Variants in STAG1 observed in about 807,000 individuals in gnomAD.
STAG1 encodes the protein STAG1 cohesin complex component, also known as cohesin subunit SA-1.
STAG1 carries 26 observed loss-of-function variants against 170.9 expected under a neutral mutation model. The observed-to-expected ratio is 0.15, with a 90% CI of 0.11 to 0.21. The LOEUF (loss-of-function observed/expected upper bound fraction) is 0.21. Among genes scored for constraint, STAG1 ranks in the 10% least tolerant of loss-of-function variants. The pLI is 1.00. For missense variants in STAG1, 964 were observed against 1,509.5 expected (o/e 0.64, Z 5.99); for synonymous variants, 514 against 497.7 (o/e 1.03, Z -0.44).
chr3:136,503,891 A>G (rs993266172), intron 7 of STAG1, among the ~76,000 whole-genome samples: 1 of 151,882 alleles, frequency 6.6e-6, no homozygotes, highest in Non-Finnish European at 1.5e-5. Flanking sequence ...ATGCACCACC[A>G]CGCCCAGCTA....
intron 21 of STAG1, chr3:136,417,678 T>C (rs1038821603): frequency 2.2e-6 from 1 of 457,394 alleles, no homozygotes; most frequent in Non-Finnish European, 3.9e-6. Flanking sequence ...AGATATGTTA[T>C]AGCAAAAGTT....
intron 10 of STAG1, among the ~76,000 whole-genome samples, 191 bp downstream of exon 10, chr3:136,477,098 G>C (rs903453255): frequency 5.9e-5 from 9 of 152,092 alleles, no homozygotes; most frequent in Admixed American, 1.3e-4. Flanking sequence ...AAACAAGATA[G>C]GGTCTTCACC....
intron 25 of STAG1, among the ~76,000 whole-genome samples, 162 bp downstream of exon 25, chr3:136,366,781 A>C (rs1246982265): frequency 6.6e-6 from 1 of 152,188 alleles, no homozygotes; most frequent in Non-Finnish European, 1.5e-5. Flanking sequence ...CTGATATAAT[A>C]GTACAGACTG....
rs144101228 is a variant in STAG1, at chr3:136,593,944, A to G, written c.297+10365T>C. ...ATGAAGTTTCATTTTAATCAATAGT[A>G]TATGTGTCCTCTCATCTAATGTCTC... is the stretch of plus-strand genomic sequence containing the variant. On this transcript the variant is annotated intron_variant, in intron 4 of 33. Transcript: ENST00000383202. Among the ~76,000 whole-genome samples, 627 of 152,312 alleles carry G rather than the reference A, an allele frequency of 4.1e-3. 3 individuals are homozygous for G. The highest frequency in any genetic ancestry group is 0.031 in the Middle Eastern group (9 of 294).
intron 5 of STAG1, among the ~76,000 whole-genome samples, chr3:136,544,662 G>C (rs1237122099): frequency 6.6e-6 from 1 of 151,902 alleles, no homozygotes; most frequent in Non-Finnish European, 1.5e-5. Context: ...CTACTCAGGA[G>C]GCTGAGGCAC....
At chr3:136,604,806 C>T (rs778021371) in intron 3 of STAG1, among the ~76,000 whole-genome samples, 3 of 152,034 alleles carry the variant, frequency 2.0e-5, no homozygotes, top group African/African-American at 7.2e-5. Flanking sequence ...CCCACCACCA[C>T]GACCAGTTAA....
At chr3:136,477,449 T>C (rs768344152) in intron 9 of STAG1, 37 bp from the exon 10 acceptor site, 10 of 1,562,728 alleles carry the variant, frequency 6.4e-6, no homozygotes, top group African/African-American at 1.4e-5. Context: ...CAAATTAATA[T>C]ACAAAGCTAG....
chr3:136,561,076 T>C (rs1277145030), intron 5 of STAG1, among the ~76,000 whole-genome samples: 6 of 152,198 alleles, frequency 3.9e-5, no homozygotes, highest in Non-Finnish European at 8.8e-5. Context: ...AATCTAGATT[T>C]TGGATATTAA....
At chr3:136,587,891 G>T (rs750968295) in intron 4 of STAG1, among the ~76,000 whole-genome samples, 22 of 152,124 alleles carry the variant, frequency 1.4e-4, no homozygotes, top group Non-Finnish European at 3.1e-4. Flanking sequence ...GAACCCGGGG[G>T]GGCGGAGGTT....
chr3:136,420,303 GAAAACTGAAT>G (rs553739541), intron 20 of STAG1, among the ~76,000 whole-genome samples: 33 of 145,812 alleles, frequency 2.3e-4, no homozygotes, highest in African/African-American at 6.6e-4. Context: ...ATCATCTAGA[GAAAACTGAAT>G]AAAGGAAAAA....
At chr3:136,528,874 G>A (rs761555722) in intron 6 of STAG1, among the ~76,000 whole-genome samples, 1 of 151,796 alleles carries the variant, frequency 6.6e-6, no homozygotes. Context: ...AGGTTGCAGT[G>A]AGCCAAGATC....
chr3:136,503,774 T>C (rs1933612245), intron 7 of STAG1, among the ~76,000 whole-genome samples: 2 of 152,136 alleles, frequency 1.3e-5, no homozygotes, highest in Non-Finnish European at 2.9e-5. Context: ...TCGCTCTTGT[T>C]GCCCAGGCTG....
chr3:136,444,795 C>T (rs2088729363), intron 14 of STAG1, among the ~76,000 whole-genome samples: 1 of 152,186 alleles, frequency 6.6e-6, no homozygotes, highest in African/African-American at 2.4e-5. Flanking sequence ...TATCTTGGCA[C>T]ATTCAGCACT....
intron 3 of STAG1, among the ~76,000 whole-genome samples, chr3:136,612,625 A>C (rs1253989637): frequency 6.6e-6 from 1 of 152,230 alleles, no homozygotes; most frequent in Non-Finnish European, 1.5e-5. Flanking sequence ...GGCTGCAGTG[A>C]GCCATGAACG....
intron 1 of STAG1, among the ~76,000 whole-genome samples, chr3:136,644,600 T>C (rs1940930249): frequency 6.6e-6 from 1 of 152,234 alleles, no homozygotes; most frequent in Non-Finnish European, 1.5e-5. Context: ...TAGTATAGCA[T>C]AATACAATGA....
At chr3:136,647,341 C>A (rs920088402) in intron 1 of STAG1, among the ~76,000 whole-genome samples, 2 of 152,120 alleles carry the variant, frequency 1.3e-5, no homozygotes, top group Non-Finnish European at 2.9e-5. Flanking sequence ...GAGGCCCAGG[C>A]GGGCGATCAC....
chr3:136,462,002 T>C (rs896144588), intron 13 of STAG1, among the ~76,000 whole-genome samples: 3 of 152,208 alleles, frequency 2.0e-5, no homozygotes, highest in South Asian at 2.1e-4. Flanking sequence ...TGAGATATCA[T>C]CTTACCTCAT....
intron 3 of STAG1, among the ~76,000 whole-genome samples, chr3:136,622,515 T>C (rs942749609): frequency 1.3e-5 from 2 of 152,168 alleles, no homozygotes; most frequent in African/African-American, 4.8e-5. Flanking sequence ...GTTCATTATA[T>C]GATGTCTCCT....
At chr3:136,741,039 A>G (rs1934642125) in intron 1 of STAG1, among the ~76,000 whole-genome samples, 1 of 152,216 alleles carries the variant, frequency 6.6e-6, no homozygotes, top group Non-Finnish European at 1.5e-5. Context: ...GCCTGTCTTG[A>G]GAAGAGAAGC....
Sources: allele counts gnomAD v4.1 joint callset (sites outside exome capture counted in the v4.1 genomes callset), GRCh38; gene constraint gnomAD v4.1.1; transcripts MANE v1.5; gene names NCBI Gene and HGNC (gene_info 2026-07-23, HGNC 2026-07-21).